Variants in KAT6B observed in about 807,000 individuals in gnomAD.
The protein encoded by KAT6B is lysine acetyltransferase 6B.
A neutral mutation model predicts 187.5 loss-of-function variants in KAT6B; 10 were observed. That is an observed-to-expected ratio of 0.05 (90% CI 0.03 to 0.09). The LOEUF is 0.09. Among genes scored for constraint, KAT6B ranks in the 10% least tolerant of loss-of-function variants. KAT6B has a pLI of 1.00. For synonymous variants in KAT6B, 861 were observed against 926.8 expected (o/e 0.93, Z 1.29); for missense variants, 1,952 against 2,558.9 (o/e 0.76, Z 5.12).
chr10:74,947,281 C>T (rs932512120), intron 3 of KAT6B, among the ~76,000 whole-genome samples: 1 of 152,252 alleles, frequency 6.6e-6, no homozygotes, highest in East Asian at 1.9e-4. Flanking sequence ...GATGAGCCAC[C>T]GCTCCCGGCT....
chr10:74,916,219 T>C (rs898579001), intron 3 of KAT6B, among the ~76,000 whole-genome samples: 1 of 152,214 alleles, frequency 6.6e-6, no homozygotes, highest in Non-Finnish European at 1.5e-5. Context: ...TGTGCTATTA[T>C]AGTGACCCTG....
intron 13 of KAT6B, among the ~76,000 whole-genome samples, chr10:74,990,783 T>TTCA (rs1318295650): frequency 6.6e-6 from 1 of 152,206 alleles, no homozygotes. Flanking sequence ...CTGGTATGCA[T>TTCA]AGCAGCCATT....
intron 3 of KAT6B, among the ~76,000 whole-genome samples, chr10:74,847,256 A>G (rs1030738797): frequency 6.6e-6 from 1 of 152,226 alleles, no homozygotes; most frequent in Non-Finnish European, 1.5e-5. Flanking sequence ...TTTTTACTTG[A>G]TGAAATTTGG....
rs534896935 is a variant in KAT6B, at chr10:74,959,360, T to C, written c.622-610T>C. Among the ~76,000 whole-genome samples, 3 of 152,328 alleles carry C rather than the reference T, an allele frequency of 2.0e-5. No individual in the cohort carries two copies. In the South Asian group the frequency reaches 6.2e-4, roughly 32 times the overall value. On this transcript the variant is annotated intron_variant, in intron 3 of 17. Coordinates refer to ENST00000287239, the MANE Select transcript of KAT6B (RefSeq NM_012330.4). ...GAACGAATAATTTATTTTAAGCATA[T>C]AGATAATAGAAACAATTGAGATGTC...
intron 3 of KAT6B, among the ~76,000 whole-genome samples, chr10:74,925,034 G>A (rs998534052): frequency 1.4e-4 from 21 of 152,042 alleles, no homozygotes; most frequent in African/African-American, 3.4e-4. Context: ...AAACCAAAAT[G>A]TAAATTTACT....
chr10:74,915,627 G>C (rs1016863961), intron 3 of KAT6B, among the ~76,000 whole-genome samples: 2 of 152,186 alleles, frequency 1.3e-5, no homozygotes, highest in African/African-American at 2.4e-5. Context: ...ACAGTGCCTG[G>C]TGCATGTTAA....
At chr10:74,908,816 A>G (rs1004026736) in intron 3 of KAT6B, among the ~76,000 whole-genome samples, 1 of 151,770 alleles carries the variant, frequency 6.6e-6, no homozygotes, top group Non-Finnish European at 1.5e-5. Flanking sequence ...TTTCCTTTAT[A>G]GTTTAAAAAT....
chr10:74,918,955 C>G (rs1017317906), intron 3 of KAT6B, among the ~76,000 whole-genome samples: 1 of 151,994 alleles, frequency 6.6e-6, no homozygotes, highest in East Asian at 1.9e-4. Context: ...TGGTGGCTCA[C>G]GCTTGTAATC....
intron 3 of KAT6B, among the ~76,000 whole-genome samples, chr10:74,853,966 G>T (rs1842656675): frequency 6.6e-6 from 1 of 152,054 alleles, no homozygotes; most frequent in African/African-American, 2.4e-5. Context: ...TGTTTTAATT[G>T]TAAAATTCTT....
At chr10:74,905,089 A>T (rs772831975) in intron 3 of KAT6B, among the ~76,000 whole-genome samples, 2 of 152,232 alleles carry the variant, frequency 1.3e-5, no homozygotes, top group African/African-American at 2.4e-5. Context: ...TCTCAATATG[A>T]TGATGTCCAG....
intron 3 of KAT6B, among the ~76,000 whole-genome samples, chr10:74,908,660 A>G (rs1467463408): frequency 6.6e-6 from 1 of 152,134 alleles, no homozygotes; most frequent in African/African-American, 2.4e-5. Context: ...CTGATATTCA[A>G]TTGTTTTAGC....
intron 3 of KAT6B, among the ~76,000 whole-genome samples, chr10:74,940,363 C>T (rs1016730264): frequency 6.6e-5 from 10 of 150,808 alleles, no homozygotes; most frequent in Non-Finnish European, 1.3e-4. Context: ...GCAACCTCCA[C>T]CTCCTGGGTT....
chr10:74,856,877 G>T (rs949199993), intron 3 of KAT6B, among the ~76,000 whole-genome samples: 1 of 152,024 alleles, frequency 6.6e-6, no homozygotes, highest in Admixed American at 6.6e-5. Flanking sequence ...CTCCAGCCTG[G>T]GTGACAGAGT....
intron 3 of KAT6B, among the ~76,000 whole-genome samples, chr10:74,872,399 A>G (rs1044609766): frequency 1.3e-5 from 2 of 152,148 alleles, no homozygotes; most frequent in African/African-American, 4.8e-5. Flanking sequence ...TTCTTTAGAC[A>G]GAGTCTCACT....
At chr10:74,959,880 T>G in intron 3 of KAT6B, 90 bp from the exon 4 acceptor site, 1 of 866,500 alleles carries the variant, frequency 1.2e-6, no homozygotes, top group South Asian at 1.4e-5. Flanking sequence ...GAAGAAGCTT[T>G]AAGTGAAAAA....
At chr10:74,960,946 T>C (rs1488268267) in intron 4 of KAT6B, among the ~76,000 whole-genome samples, 1 of 152,204 alleles carries the variant, frequency 6.6e-6, no homozygotes, top group Non-Finnish European at 1.5e-5. Context: ...GTAGAAGAAA[T>C]GTTTCATGCT....
chr10:74,979,526 C>A (rs531796641), intron 10 of KAT6B, among the ~76,000 whole-genome samples, 187 bp downstream of exon 10: 1 of 151,510 alleles, frequency 6.6e-6, no homozygotes, highest in African/African-American at 2.4e-5. Context: ...TCGGTAAATT[C>A]CTTATGCTCC....
chr10:74,936,075 G>C (rs1368423424), intron 3 of KAT6B, among the ~76,000 whole-genome samples: 2 of 152,026 alleles, frequency 1.3e-5, no homozygotes, highest in African/African-American at 2.4e-5. Context: ...TGTTGCTTTT[G>C]TTTTCCAAGT....
At chr10:74,870,734 A>G (rs1843871037) in intron 3 of KAT6B, among the ~76,000 whole-genome samples, 1 of 151,956 alleles carries the variant, frequency 6.6e-6, no homozygotes, top group Non-Finnish European at 1.5e-5. Context: ...ATGCGCCACC[A>G]CGCCCAGCTA....
Sources: allele counts gnomAD v4.1 joint callset (sites outside exome capture counted in the v4.1 genomes callset), GRCh38; gene constraint gnomAD v4.1.1; transcripts MANE v1.5; gene names NCBI Gene and HGNC (gene_info 2026-07-23, HGNC 2026-07-21).